The following STIM1 variants were observed in gnomAD, a reference collection of about 807,000 sequenced individuals.
STIM1 encodes stromal interaction molecule 1.
In STIM1, 25 loss-of-function variants were observed where a neutral mutation model predicts 74.7. The observed-to-expected ratio is 0.33, with a 90% CI of 0.24 to 0.47. STIM1 has a LOEUF of 0.47. Ranked by LOEUF, STIM1 falls within the 20% of genes least tolerant of loss-of-function variation. The probability of loss-of-function intolerance (pLI) is 1.00; values close to 1 mark genes in which losing one functional copy is unlikely to be tolerated. For synonymous variants in STIM1, 328 were observed against 348.8 expected (o/e 0.94, Z 0.66); for missense variants, 728 against 920.8 (o/e 0.79, Z 2.71).
At chr11:3,895,606 C>CTCTCTTTCTCTCTCTT (rs1216875964) in intron 1 of STIM1, among the ~76,000 whole-genome samples, 2 of 66,454 alleles carry the variant, frequency 3.0e-5, no homozygotes, top group Non-Finnish European at 5.9e-5. Flanking sequence ...CTTTCTTTCT[C>CTCTCTTTCTCTCTCTT]TCTCTTTCTT....
chr11:4,013,704 T>TC (rs2093865067), intron 2 of STIM1, among the ~76,000 whole-genome samples: 1 of 121,824 alleles, frequency 8.2e-6, no homozygotes. Context: ...TTTTTTTTTT[T>TC]TTTTTTTTTT....
At chr11:4,043,888 G>A (rs1002900419) in intron 3 of STIM1, among the ~76,000 whole-genome samples, 2 of 152,090 alleles carry the variant, frequency 1.3e-5, no homozygotes, top group Non-Finnish European at 2.9e-5. Flanking sequence ...GGTGGCACGT[G>A]CCTGTAATCC....
At position 4,083,349 on chromosome 11, in the gene STIM1, TCAA is replaced by T; in HGVS notation, c.1330_1332del (p.Asn444del). On this transcript the variant is annotated inframe_deletion, in exon 10 of 13. Coordinates refer to ENST00000526596, the MANE Select transcript of STIM1 (RefSeq NM_001382567.1). ...GAGATCCTCTGTGGCTTCCAGATTG[TCAA>T]CAACCCTGGCATCCACTCACTGGTG... The T allele has an allele frequency of 6.2e-7, 1 of 1,614,240 alleles. No individual in the cohort carries two copies. Among genetic ancestry groups the T allele is most frequent in the Non-Finnish European group, 8.5e-7 (1 of 1,180,050 alleles).
intron 1 of STIM1, among the ~76,000 whole-genome samples, chr11:3,897,487 TG>T (rs1324550657): frequency 6.6e-6 from 1 of 152,046 alleles, no homozygotes; most frequent in African/African-American, 2.4e-5. Flanking sequence ...CAGTGCTTTT[TG>T]TTTGTTTGTT....
intron 1 of STIM1, among the ~76,000 whole-genome samples, chr11:3,953,784 CTT>C (rs1237093007): frequency 3.7e-5 from 5 of 133,526 alleles, no homozygotes; most frequent in Non-Finnish European, 3.1e-5. Context: ...CTTCTTCTTT[CTT>C]TTTTTTTTTT....
chr11:4,013,225 A>T (rs1371093445), intron 2 of STIM1, among the ~76,000 whole-genome samples: 19 of 152,294 alleles, frequency 1.2e-4, no homozygotes, highest in Middle Eastern at 3.4e-3. Context: ...TATCAGGATG[A>T]TGCTGGCCTC....
At chr11:3,895,456 T>C (rs1049781805) in intron 1 of STIM1, among the ~76,000 whole-genome samples, 1 of 152,176 alleles carries the variant, frequency 6.6e-6, no homozygotes, top group Non-Finnish European at 1.5e-5. Context: ...TGTAGCACTT[T>C]TTGGTCACTT....
chr11:4,055,489 A>C (rs775209514), intron 3 of STIM1, 37 bp from the exon 4 acceptor site: 8 of 1,498,420 alleles, frequency 5.3e-6, no homozygotes, highest in Non-Finnish European at 6.4e-6. Context: ...AGTGCTTGGC[A>C]TTCTAGAGTC....
intron 1 of STIM1, among the ~76,000 whole-genome samples, chr11:3,878,972 T>G (rs542766293): frequency 1.3e-5 from 2 of 152,164 alleles, no homozygotes; most frequent in African/African-American, 2.4e-5. Context: ...CTTTTTTTTT[T>G]TGAGACGGAG....
chr11:4,087,423 G>A (rs144201360), intron 12 of STIM1, among the ~76,000 whole-genome samples: 1 of 152,304 alleles, frequency 6.6e-6, no homozygotes, highest in East Asian at 1.9e-4. Flanking sequence ...AAAGGAGAAA[G>A]AGTATTCTAG....
intron 1 of STIM1, among the ~76,000 whole-genome samples, chr11:3,863,660 G>C (rs1296084005): frequency 1.3e-5 from 2 of 152,054 alleles, no homozygotes; most frequent in Admixed American, 6.5e-5. Context: ...GTCCTGCTCT[G>C]TCCTGCCCAG....
chr11:4,074,708 C>G, intron 7 of STIM1, 29 bp downstream of exon 7: 1 of 1,551,386 alleles, frequency 6.4e-7, no homozygotes, highest in South Asian at 1.2e-5. Flanking sequence ...TCCTGGACAC[C>G]TTGACGGGTG....
intron 3 of STIM1, among the ~76,000 whole-genome samples, chr11:4,034,960 C>G (rs2094086461): frequency 6.6e-6 from 1 of 152,012 alleles, no homozygotes; most frequent in African/African-American, 2.4e-5. Context: ...CATTACTGAT[C>G]TTAATAATTT....
chr11:3,883,455 G>A (rs2091594157), intron 1 of STIM1, among the ~76,000 whole-genome samples: 1 of 152,184 alleles, frequency 6.6e-6, no homozygotes, highest in Non-Finnish European at 1.5e-5. Context: ...TTCCGTTCAA[G>A]CAGTTCTCCT....
chr11:3,909,805 AAAG>A (rs2092531541), intron 1 of STIM1, among the ~76,000 whole-genome samples: 3 of 151,604 alleles, frequency 2.0e-5, no homozygotes, highest in African/African-American at 7.3e-5. Context: ...GAAAAAAAAA[AAAG>A]AAAAAAAAAG....
At chr11:3,974,001 C>A in intron 2 of STIM1, 1 of 682,928 alleles carries the variant, frequency 1.5e-6, no homozygotes, top group Admixed American at 2.0e-5. Flanking sequence ...GCTCTTCTGT[C>A]CACCTTATGT....
intron 2 of STIM1, among the ~76,000 whole-genome samples, chr11:3,980,853 C>T (rs1480330981): frequency 6.6e-6 from 1 of 152,190 alleles, no homozygotes; most frequent in Non-Finnish European, 1.5e-5. Context: ...CCTCTACATA[C>T]TGGATGCCAG....
At chr11:3,862,127 T>C (rs1257298659) in intron 1 of STIM1, among the ~76,000 whole-genome samples, 1 of 152,114 alleles carries the variant, frequency 6.6e-6, no homozygotes, top group Non-Finnish European at 1.5e-5. Flanking sequence ...TCATGAAATA[T>C]TAAGATATAC....
intron 3 of STIM1, among the ~76,000 whole-genome samples, chr11:4,049,355 C>T (rs2094219591): frequency 7.0e-6 from 1 of 143,588 alleles, no homozygotes; most frequent in Non-Finnish European, 1.5e-5. Flanking sequence ...GACAGGCTCT[C>T]ACTCTGTTGC....
Sources: gnomAD v4.1 joint callset for allele counts (sites outside exome capture counted in the v4.1 genomes callset) on GRCh38, gnomAD v4.1.1 for gene constraint, MANE v1.5 for transcripts, NCBI Gene and HGNC (gene_info 2026-07-23, HGNC 2026-07-21) for gene names.